The following SCYL1 variants were observed in gnomAD, a reference collection of about 807,000 sequenced individuals.
SCYL1 encodes the protein SCY1 like pseudokinase 1.
In SCYL1, 85 loss-of-function variants were observed where a neutral mutation model predicts 94.8. The observed-to-expected ratio is 0.90, with a 90% CI of 0.75 to 1.07. SCYL1 has a LOEUF of 1.07. Ranked by LOEUF, SCYL1 falls within the 50% of genes least tolerant of loss-of-function variation. The pLI is 0.00. For synonymous variants in SCYL1, 459 were observed against 435.5 expected, an observed-to-expected ratio of 1.05 and a Z score of -0.67; for missense variants, 968 against 1,083.3, an observed-to-expected ratio of 0.89 and a Z score of 1.49.
rs777462518 is a variant in SCYL1 at position 65,530,667 on chromosome 11, G to A, written c.888G>A (p.Glu296=). The stretch of plus-strand genomic sequence containing the variant: ...CCGAGAAGCAAAAATTCTTCCAGGA[G>A]CTGAGCAAGAGCCTGGACGCATTCC... The part of the protein sequence containing the change: ...EPAEKQKFFQ[E]LSKSLDAFPE... The change falls in exon 7 of 18, where the codon GAG becomes GAA. Residue 296 remains glutamate, a synonymous_variant. Coordinates refer to ENST00000270176, the MANE Select transcript of SCYL1 (RefSeq NM_020680.4). 6.2e-7 allele frequency: 1 copy of A among 1,613,962 alleles called. No individual in the cohort carries two copies. Among genetic ancestry groups the A allele is most frequent in the East Asian group, 2.2e-5 (1 of 44,872 alleles).
At chr11:65,532,337 A>G (rs1421009599) in intron 8 of SCYL1, among the ~76,000 whole-genome samples, 1 of 151,010 alleles carries the variant, frequency 6.6e-6, no homozygotes, top group Non-Finnish European at 1.5e-5. Flanking sequence ...AGGCAGGAGA[A>G]TTGCTTGAAC....
Position 65,538,303 on chromosome 11 carries a change from G to C in SCYL1, c.2281G>C (p.Glu761Gln). 1 of 1,551,168 alleles carries C rather than the reference G, an allele frequency of 6.4e-7. No homozygotes were observed. Among genetic ancestry groups the C allele is most frequent in the African/African-American group, 1.4e-5 (1 of 73,142 alleles). The stretch of plus-strand genomic sequence containing the variant: ...AGACTCTTGGGGTGAGGACAACTGG[G>C]AGGGCCTCGAGACTGACAGTCGTAA... Reference protein sequence around the residue: ...RPDSWGEDNWEGLETDSRQVK... With the variant: ...RPDSWGEDNWQGLETDSRQVK... Residue 761 changes from glutamate (E) to glutamine (Q), a missense_variant, in exon 17 of 18, where the codon GAG becomes CAG. By Grantham distance (29) the Glu-to-Gln change is conservative. Transcript: ENST00000270176.
chr11:65,527,865 A>G (rs957489725), intron 6 of SCYL1, among the ~76,000 whole-genome samples: 1 of 152,200 alleles, frequency 6.6e-6, no homozygotes, highest in African/African-American at 2.4e-5. Flanking sequence ...ACCTACTTCA[A>G]AGGGACCCAG....
chr11:65,537,658 G>A (rs935523169), intron 14 of SCYL1, 151 bp from the exon 15 acceptor site: 13 of 652,306 alleles, frequency 2.0e-5, no homozygotes, highest in South Asian at 5.9e-5. Context: ...CAGGGTCAGC[G>A]TCCATTTAAT....
At chr11:65,535,177 G>A in intron 9 of SCYL1, 50 bp from the exon 10 acceptor site, 2 of 1,600,200 alleles carry the variant, frequency 1.2e-6, no homozygotes, top group Non-Finnish European at 1.7e-6. Context: ...TCCTGCACAA[G>A]GCCCTTTGCC....
chr11:65,534,249 A>G (rs757180707), intron 9 of SCYL1, among the ~76,000 whole-genome samples: 4 of 151,732 alleles, frequency 2.6e-5, no homozygotes, highest in Non-Finnish European at 4.4e-5. Context: ...AAAATAAAAT[A>G]AAAATTAAAA....
chr11:65,525,567 C>T lies in SCYL1; in HGVS notation c.112-7C>T, dbSNP rs1855032055. ...GGACCATCTCAGGCCCCGCTGCCCT[C>T]CCCTAGGCCACAGGCAGCCCCGTGT... is the stretch of plus-strand genomic sequence containing the variant. On this transcript the variant is annotated splice_region_variant and splice_polypyrimidine_tract_variant and intron_variant, in intron 1 of 17. Transcript: ENST00000270176. 6.2e-7 allele frequency: 1 copy of T among 1,611,272 alleles called. No individual in the cohort carries two copies. Among genetic ancestry groups the T allele is most frequent in the East Asian group, 2.2e-5 (1 of 44,882 alleles).
Position 65,530,640 on chromosome 11 carries a change from A to G in SCYL1, c.861A>G (p.Pro287=). Residue 287 remains proline (P), a synonymous_variant, in exon 7 of 18, where the codon CCA becomes CCG. Coordinates refer to ENST00000270176, the MANE Select transcript of SCYL1 (RefSeq NM_020680.4). Reference sequence around the variant, plus strand: ...CCTCACTCCCCCAGATCAAAGAGCCAGCCGAGAAGCAAAAATTCTTCCAGG... The same window carrying G: ...CCTCACTCCCCCAGATCAAAGAGCCGGCCGAGAAGCAAAAATTCTTCCAGG... ...LFLEEIQIKE[P]AEKQKFFQEL... The G allele has an allele frequency of 6.2e-7, 1 of 1,613,154 alleles. No homozygotes were observed.
intron 14 of SCYL1, 152 bp downstream of exon 14, chr11:65,537,280 G>T (rs1194050348): frequency 1.2e-5 from 10 of 844,222 alleles, no homozygotes; most frequent in Non-Finnish European, 1.9e-5. Flanking sequence ...GCCATTGTAG[G>T]CCAGAGCCAG....
At chr11:65,531,552 G>A (rs1855363945) in intron 7 of SCYL1, 24 bp from the exon 8 acceptor site, 5 of 1,567,746 alleles carry the variant, frequency 3.2e-6, no homozygotes, top group East Asian at 4.5e-5. Flanking sequence ...GTGAGCAGCT[G>A]AACCCATCTT....
At chr11:65,532,289 G>A (rs1483605132) in intron 8 of SCYL1, among the ~76,000 whole-genome samples, 2 of 152,150 alleles carry the variant, frequency 1.3e-5, no homozygotes, top group African/African-American at 4.8e-5. Context: ...GCCAGGTGCG[G>A]TGGTGGGTGC....
intron 10 of SCYL1, chr11:65,535,734 T>G: frequency 1.7e-6 from 1 of 592,450 alleles, no homozygotes; most frequent in Non-Finnish European, 2.9e-6. Flanking sequence ...ACAGCTGCTG[T>G]TGTGGTCCCA....
intron 10 of SCYL1, 61 bp downstream of exon 10, chr11:65,535,443 G>C: frequency 6.3e-7 from 1 of 1,587,698 alleles, no homozygotes; most frequent in Non-Finnish European, 8.6e-7. Flanking sequence ...GCCTCCTCCA[G>C]GGCCAGGAGT....
intron 9 of SCYL1, 198 bp downstream of exon 9, chr11:65,533,003 T>C: frequency 1.8e-6 from 1 of 567,882 alleles, no homozygotes; most frequent in Non-Finnish European, 3.2e-6. Flanking sequence ...AGCATCTGCC[T>C]GTTCCTGGCC....
At chr11:65,530,352 A>G (rs989553872) in intron 6 of SCYL1, among the ~76,000 whole-genome samples, 2 of 152,214 alleles carry the variant, frequency 1.3e-5, no homozygotes, top group Non-Finnish European at 2.9e-5. Flanking sequence ...AATGGCAGCA[A>G]CAGTCCCTAA....
chr11:65,525,135 CGCG>C lies in SCYL1; in HGVS notation c.-11_-9del, dbSNP rs968285717. 7.6e-7 allele frequency: 1 copy of C among 1,312,592 alleles called. No individual in the cohort carries two copies. The highest frequency in any genetic ancestry group is 1.6e-5 in the African/African-American group (1 of 64,448). 81.3% of individuals were successfully genotyped at this position (1,312,592 alleles called of 1,614,324 possible). A position where few individuals can be genotyped will look rare whatever the true frequency, so the allele number is the denominator to read the frequency against. ...GACCCGGAGCTAAGGCGCCCGAACC[CGCG>C]GCGGCGGTGGGGACGATGTGGTTCT... is the stretch of plus-strand genomic sequence containing the variant. On this transcript the variant is annotated 5_prime_UTR_variant, in exon 1 of 18. Coordinates refer to ENST00000270176, the MANE Select transcript of SCYL1 (RefSeq NM_020680.4).
intron 8 of SCYL1, 42 bp downstream of exon 8, chr11:65,531,725 CCCA>C: frequency 2.0e-6 from 3 of 1,477,544 alleles, no homozygotes; most frequent in Non-Finnish European, 1.9e-6. Context: ...CCACCCAGAC[CCCA>C]ACCTGGTGGC....
intron 16 of SCYL1, 33 bp from the exon 17 acceptor site, chr11:65,538,237 G>A (rs747496069): frequency 6.4e-7 from 1 of 1,554,760 alleles, no homozygotes; most frequent in Non-Finnish European, 8.7e-7. Flanking sequence ...AGCCAGAAGT[G>A]GGCCCCACTG....
chr11:65,532,146 G>T (rs1855406209), intron 8 of SCYL1, among the ~76,000 whole-genome samples: 1 of 152,182 alleles, frequency 6.6e-6, no homozygotes, highest in South Asian at 2.1e-4. Flanking sequence ...GGCTCAGGCT[G>T]GGCGCAGTGG....
Sources: allele counts gnomAD v4.1 joint callset (sites outside exome capture counted in the v4.1 genomes callset), GRCh38; gene constraint gnomAD v4.1.1; transcripts MANE v1.5; gene names NCBI Gene and HGNC (gene_info 2026-07-23, HGNC 2026-07-21).